PCBP2: variants seen among roughly 807,000 people sequenced by gnomAD.
PCBP2 encodes poly(rC)-binding protein 2.
PCBP2 carries 4 observed loss-of-function variants against 50.1 expected under a neutral mutation model. The observed-to-expected ratio is 0.08, with a 90% CI of 0.04 to 0.18. PCBP2 has a LOEUF of 0.18. Ranked by LOEUF, PCBP2 falls within the 10% of genes least tolerant of loss-of-function variation. The probability of loss-of-function intolerance (pLI) is 1.00; values close to 1 mark genes in which losing one functional copy is unlikely to be tolerated. For missense variants in PCBP2, 161 were observed against 474.3 expected (o/e 0.34, Z 6.14); for synonymous variants, 179 against 168.0 (o/e 1.07, Z -0.51).
At chr12:53,468,563 C>T (rs967488766) in intron 12 of PCBP2, 2 of 552,656 alleles carry the variant, frequency 3.6e-6, no homozygotes, top group African/African-American at 3.9e-5. Context: ...GGCATGAAAT[C>T]AGCTCTTCTG....
intron 13 of PCBP2, among the ~76,000 whole-genome samples, chr12:53,469,163 A>G (rs865944603): frequency 7.9e-5 from 12 of 151,924 alleles, no homozygotes; most frequent in African/African-American, 2.2e-4. Context: ...TGGCCTCCCA[A>G]AGTGCTGGGA....
intron 5 of PCBP2, among the ~76,000 whole-genome samples, chr12:53,456,695 T>C (rs772587982): frequency 1.3e-5 from 2 of 152,194 alleles, no homozygotes; most frequent in Admixed American, 6.5e-5. Flanking sequence ...TTACATTTGT[T>C]GGGGAGAGAC....
chr12:53,452,421 T>A (rs948845005), intron 1 of PCBP2, 45 bp downstream of exon 1: 1 of 149,918 alleles, frequency 6.7e-6, no homozygotes, highest in African/African-American at 2.5e-5. Context: ...TGGCTACAAT[T>A]TCCACTTTTG....
At chr12:53,462,465 G>GT (rs760663687) in intron 7 of PCBP2, 28 bp from the exon 8 acceptor site, 11 of 1,587,752 alleles carry the variant, frequency 6.9e-6, no homozygotes, top group African/African-American at 2.7e-5. Flanking sequence ...ATCTCTTTTT[G>GT]TTTTTTTCCC....
intron 14 of PCBP2, among the ~76,000 whole-genome samples, chr12:53,473,659 G>T (rs1327766684): frequency 6.6e-6 from 1 of 152,060 alleles, no homozygotes; most frequent in Non-Finnish European, 1.5e-5. Flanking sequence ...CATGGATTAG[G>T]GTCAAAACTT....
chr12:53,454,465 A>G (rs1031307016), intron 1 of PCBP2: 4 of 248,578 alleles, frequency 1.6e-5, no homozygotes, highest in Non-Finnish European at 3.2e-5. Flanking sequence ...ACCATTGCCA[A>G]TTGAAAGAAC....
intron 6 of PCBP2, chr12:53,460,206 C>T (rs1055298351): frequency 9.4e-6 from 2 of 213,206 alleles, no homozygotes; most frequent in Non-Finnish European, 2.0e-5. Context: ...TAATCGTGAT[C>T]ATGGCTTACT....
intron 6 of PCBP2, chr12:53,460,499 G>A: frequency 4.6e-6 from 1 of 219,554 alleles, no homozygotes; most frequent in Non-Finnish European, 9.7e-6. Flanking sequence ...GATTTTAATT[G>A]TATCTAGATG....
At chr12:53,467,200 C>T (rs781182512) in intron 10 of PCBP2, 21 bp from the exon 11 acceptor site, 75 of 1,599,502 alleles carry the variant, frequency 4.7e-5, no homozygotes, top group Non-Finnish European at 6.1e-5. Context: ...CTAATGCCAA[C>T]CTCCTGTTTC....
chr12:53,455,540 C>A (rs528503295), intron 4 of PCBP2, 47 bp downstream of exon 4: 4 of 1,583,390 alleles, frequency 2.5e-6, no homozygotes, highest in Admixed American at 1.7e-5. Flanking sequence ...AGTAAAAAAC[C>A]TTTAAAACAA....
chr12:53,479,511 C>CTGAA lies in PCBP2; in HGVS notation c.*70_*73dup. 1 of 1,384,148 alleles carries CTGAA rather than the reference C, an allele frequency of 7.2e-7. No individual in the cohort carries two copies. The highest frequency in any genetic ancestry group is 1.2e-5 in the South Asian group (1 of 85,158). The allele number at this position is 1,384,148 out of a possible 1,614,324, so 85.7% of individuals were successfully genotyped here. On this transcript the variant is annotated 3_prime_UTR_variant, in exon 15 of 15. Transcript: ENST00000546463. The stretch of plus-strand genomic sequence containing the variant: ...CACCCATGATCCATCTGTGTAGTTT[C>CTGAA]TGAACAGTCAGCGATTCCAGGTTTT...
chr12:53,457,225 C>T (rs943309049), intron 5 of PCBP2, among the ~76,000 whole-genome samples: 7 of 151,952 alleles, frequency 4.6e-5, no homozygotes, highest in African/African-American at 1.5e-4. Context: ...TTTTTAAAAA[C>T]GTTTTCTTGT....
chr12:53,473,441 C>G (rs913490066), intron 14 of PCBP2, among the ~76,000 whole-genome samples: 1 of 152,176 alleles, frequency 6.6e-6, no homozygotes, highest in East Asian at 1.9e-4. Flanking sequence ...TTTTCAGTGG[C>G]AAGAATCAGG....
intron 8 of PCBP2, 73 bp downstream of exon 8, chr12:53,462,640 A>G: frequency 8.1e-7 from 1 of 1,232,016 alleles, no homozygotes; most frequent in Non-Finnish European, 1.2e-6. Context: ...CCAGCATCAC[A>G]CCAAGCCACT....
intron 14 of PCBP2, chr12:53,475,011 G>A (rs1167920094): frequency 8.8e-6 from 4 of 456,030 alleles, no homozygotes; most frequent in South Asian, 1.6e-5. Flanking sequence ...GGGGACCTCC[G>A]ACGCACCCTC....
intron 10 of PCBP2, among the ~76,000 whole-genome samples, chr12:53,466,904 A>G (rs1254781662): frequency 1.3e-5 from 2 of 152,082 alleles, no homozygotes; most frequent in Admixed American, 6.6e-5. Flanking sequence ...CCCTGCGGCA[A>G]CTGTTGCAAT....
At chr12:53,452,959 T>A (rs543214131) in intron 1 of PCBP2, 1 of 152,088 alleles carries the variant, frequency 6.6e-6, no homozygotes, top group South Asian at 2.1e-4. Flanking sequence ...GCCGAGTTAA[T>A]CAGGACGTTT....
rs751811299 is a variant in PCBP2 at position 53,480,560 on chromosome 12, A to C, written c.*1118A>C. The C allele has an allele frequency of 1.3e-5, 2 of 152,664 alleles. No individual in the cohort carries two copies. The highest frequency in any genetic ancestry group is 3.8e-4 in the East Asian group (2 of 5,200). 9.5% of individuals were successfully genotyped at this position (152,664 alleles called of 1,614,324 possible). Reference sequence around the variant, plus strand: ...TTACAGTAGGACAGTCCCCACCCCAATCAGGCACCAGGATAAAAGCAGGGA... The same window carrying C: ...TTACAGTAGGACAGTCCCCACCCCACTCAGGCACCAGGATAAAAGCAGGGA... On this transcript the variant is annotated 3_prime_UTR_variant, in exon 15 of 15. Transcript: ENST00000546463.
intron 13 of PCBP2, among the ~76,000 whole-genome samples, chr12:53,470,881 A>G (rs998973874): frequency 2.0e-5 from 3 of 152,072 alleles, no homozygotes; most frequent in African/African-American, 7.2e-5. Context: ...GCTGCCAGAA[A>G]CAGAATGTAT....
Sources: gnomAD v4.1 joint callset for allele counts (sites outside exome capture counted in the v4.1 genomes callset) on GRCh38, gnomAD v4.1.1 for gene constraint, MANE v1.5 for transcripts, NCBI Gene and HGNC (gene_info 2026-07-23, HGNC 2026-07-21) for gene names.